The following TOLLIP variants were observed in gnomAD, a reference collection of about 807,000 sequenced individuals.
The protein encoded by TOLLIP is toll interacting protein.
TOLLIP carries 16 observed loss-of-function variants against 33.5 expected under a neutral mutation model. The ratio of observed to expected loss-of-function variants is 0.48; its 90% CI spans 0.32 to 0.72. The LOEUF (loss-of-function observed/expected upper bound fraction) is 0.72. Among genes scored for constraint, TOLLIP ranks in the 30% least tolerant of loss-of-function variants. TOLLIP has a pLI of 0.03. For missense variants in TOLLIP, 325 were observed against 396.6 expected, an observed-to-expected ratio of 0.82 and a Z score of 1.53; for synonymous variants, 176 against 163.7, an observed-to-expected ratio of 1.07 and a Z score of -0.57.
At chr11:1,300,347 A>C (rs1217621237) in intron 1 of TOLLIP, among the ~76,000 whole-genome samples, 1 of 152,218 alleles carries the variant, frequency 6.6e-6, no homozygotes, top group Non-Finnish European at 1.5e-5. Context: ...CTGACGCCAG[A>C]GCTCTAAACC....
chr11:1,299,720 G>A (rs371926120), intron 1 of TOLLIP, among the ~76,000 whole-genome samples: 12 of 152,310 alleles, frequency 7.9e-5, no homozygotes, highest in East Asian at 3.9e-4. Context: ...CTAAATGCCC[G>A]TGTGAAGGCC....
intron 2 of TOLLIP, chr11:1,295,324 C>T (rs1016389117): frequency 2.1e-5 from 5 of 241,050 alleles, no homozygotes; most frequent in Admixed American, 1.1e-4. Flanking sequence ...GGGTGCCGGC[C>T]GCGCCTCCTC....
At position 1,309,451 on chromosome 11, in the gene TOLLIP, G is replaced by T; in HGVS notation, c.33+15C>A. On this transcript the variant is annotated intron_variant, in intron 1 of 5. Transcript: ENST00000317204. ...AGGTCACCGCCCCCGCCCGACCCTC[G>T]CCCGGCTGCCTCACCGGCCCGCGCT... 1.5e-6 allele frequency: 2 copies of T among 1,305,896 alleles called. No individual in the cohort carries two copies. Among genetic ancestry groups the T allele is most frequent in the Non-Finnish European group, 2.0e-6 (2 of 1,020,246 alleles). The allele number at this position is 1,305,896 out of a possible 1,614,324, so 80.9% of individuals were successfully genotyped here. A position where few individuals can be genotyped will look rare whatever the true frequency, so the allele number is the denominator to read the frequency against.
intron 4 of TOLLIP, among the ~76,000 whole-genome samples, chr11:1,287,871 G>C (rs71454082): frequency 0.41 from 11,275 of 27,246 alleles, 4,328 homozygotes; most frequent in Middle Eastern, 0.65. Flanking sequence ...CTCTGCTGCA[G>C]CCTCCCTGCT....
At chr11:1,308,350 G>A (rs895665328) in intron 1 of TOLLIP, among the ~76,000 whole-genome samples, 75 of 152,244 alleles carry the variant, frequency 4.9e-4, no homozygotes, top group Non-Finnish European at 1.5e-4. Flanking sequence ...GCCATGTGAC[G>A]TGTAAGCTCC....
intron 5 of TOLLIP, among the ~76,000 whole-genome samples, chr11:1,284,603 C>G (rs1388131889): frequency 6.6e-6 from 1 of 152,176 alleles, no homozygotes; most frequent in African/African-American, 2.4e-5. Flanking sequence ...CCCGCCTTGG[C>G]CTCCCAAGGT....
At position 1,290,306 on chromosome 11, in the gene TOLLIP, T is replaced by G. The variant is rs1454896135; in HGVS notation, c.287A>C (p.Lys96Thr). ...GATGACCTTATTCCAGCGGGGATTC[T>G]TGGCGCCATTGTGTGCCGTGGGCGT... ...YETPTAHNGA[K>T]NPRWNKVIHC... The change falls in exon 3 of 6, where the codon AAG (lysine) becomes ACG (threonine). Residue 96 changes from lysine to threonine, a missense_variant. Coordinates refer to ENST00000317204, the MANE Select transcript of TOLLIP (RefSeq NM_019009.4). This position sits in a 1 kb window ranked among gnomAD's most constrained non-coding sequence, Gnocchi z 4.9. The G allele has an allele frequency of 6.2e-7, 1 of 1,613,558 alleles. No homozygotes were observed. Among genetic ancestry groups the G allele is most frequent in the African/African-American group, 1.3e-5 (1 of 74,948 alleles).
rs935755361 is a variant in TOLLIP, at chr11:1,299,259, G to A, written c.34-3465C>T. On this transcript the variant is annotated intron_variant, in intron 1 of 5. Transcript: ENST00000317204. ...GAGAGGAGACGGAGACCAGGCTTCA[G>A]TCCTCCCCGTACAAATACTGGTTAC... is the stretch of plus-strand genomic sequence containing the variant. Among the ~76,000 whole-genome samples, 52 of 152,236 alleles carry A rather than the reference G, an allele frequency of 3.4e-4. 1 individual carries two copies. The highest frequency in any genetic ancestry group is 3.1e-3 in the Admixed American group (48 of 15,290).
Position 1,303,951 on chromosome 11 carries a change from G to A in TOLLIP, c.33+5515C>T, listed in dbSNP as rs1464929654. Among the ~76,000 whole-genome samples, 3 of 151,388 alleles carry A rather than the reference G, an allele frequency of 2.0e-5. No individual in the cohort carries two copies. Among genetic ancestry groups the A allele is most frequent in the Non-Finnish European group, 4.4e-5 (3 of 67,934 alleles). On this transcript the variant is annotated intron_variant, in intron 1 of 5. Transcript: ENST00000317204. This position sits in a 1 kb window ranked among gnomAD's most constrained non-coding sequence, Gnocchi z 4.2. The stretch of plus-strand genomic sequence containing the variant: ...CTCGGGAGTCTGAGGCAGGAAAATC[G>A]CTTGAACCTGGGAGGAAGAGGTTGC...
At chr11:1,284,587 G>T (rs968754908) in intron 5 of TOLLIP, among the ~76,000 whole-genome samples, 3 of 152,136 alleles carry the variant, frequency 2.0e-5, no homozygotes, top group Admixed American at 2.0e-4. Context: ...CTGACCTCAC[G>T]ATCTGCCCGC....
chr11:1,276,902 C>CGGGGCGGCACAGAAGTCCACGGGAG lies in TOLLIP; in HGVS notation c.*112_*136dup. On this transcript the variant is annotated 3_prime_UTR_variant, in exon 6 of 6. Coordinates refer to ENST00000317204, the MANE Select transcript of TOLLIP (RefSeq NM_019009.4). The stretch of plus-strand genomic sequence containing the variant: ...ACATGCACCCAAGAACAGGTGTGGA[C>CGGGGCGGCACAGAAGTCCACGGGAG]GGGGCGGCACAGAAGTCCACGGGAG... 1 of 1,557,350 alleles carries CGGGGCGGCACAGAAGTCCACGGGAG rather than the reference C, an allele frequency of 6.4e-7. No homozygotes were observed.
chr11:1,298,595 C>T (rs965434569), intron 1 of TOLLIP: 1 of 152,242 alleles, frequency 6.6e-6, no homozygotes. Context: ...ATCCAAAGGC[C>T]TAATGATCAA....
chr11:1,289,084 C>A (rs1223629983), intron 3 of TOLLIP, among the ~76,000 whole-genome samples: 1 of 152,218 alleles, frequency 6.6e-6, no homozygotes, highest in Non-Finnish European at 1.5e-5. Context: ...TTCAGGGACA[C>A]TGGCTGCTCC....
intron 4 of TOLLIP, among the ~76,000 whole-genome samples, chr11:1,287,315 C>T (rs763646997): frequency 6.6e-6 from 1 of 152,152 alleles, no homozygotes; most frequent in African/African-American, 2.4e-5. Context: ...ACGGCCGGGA[C>T]ATGATTTAAA....
intron 5 of TOLLIP, among the ~76,000 whole-genome samples, chr11:1,279,619 C>A (rs1167703209): frequency 6.6e-6 from 1 of 152,250 alleles, no homozygotes; most frequent in South Asian, 2.1e-4. Context: ...TCAGCCCCAC[C>A]AGCCACCTGC....
chr11:1,301,504 C>T (rs915032815), intron 1 of TOLLIP, among the ~76,000 whole-genome samples: 7 of 151,714 alleles, frequency 4.6e-5, no homozygotes, highest in Admixed American at 4.6e-4. Context: ...AACCCAGGGA[C>T]AATGAAATAC....
chr11:1,290,420 G>C lies in TOLLIP; in HGVS notation c.184-11C>G. The C allele has an allele frequency of 1.2e-6, 2 of 1,608,580 alleles. No individual in the cohort carries two copies. Among genetic ancestry groups the C allele is most frequent in the African/African-American group, 1.3e-5 (1 of 74,998 alleles). On this transcript the variant is annotated splice_polypyrimidine_tract_variant and intron_variant, in intron 2 of 5. Coordinates refer to ENST00000317204, the MANE Select transcript of TOLLIP (RefSeq NM_019009.4). The surrounding 1 kb of genome is among the most constrained non-coding windows in gnomAD (Gnocchi z 4.9). Reference sequence around the variant, plus strand: ...CTTGGCCAACTTTGCCTGGAATGAAGCCAATGTCAGGAAAAGGAGGTGCCA... The same window carrying C: ...CTTGGCCAACTTTGCCTGGAATGAACCCAATGTCAGGAAAAGGAGGTGCCA...
At position 1,274,647 on chromosome 11, in the gene TOLLIP, C is replaced by G. The variant is rs2133868257; in HGVS notation, c.*2392G>C. ...CCCCGCCTGAGGCTCCAAGATGGCA[C>G]AGTCAGGCTGTCCTTAGTGACCGCT... is the stretch of plus-strand genomic sequence containing the variant. On this transcript the variant is annotated 3_prime_UTR_variant, in exon 6 of 6. Coordinates refer to ENST00000317204, the MANE Select transcript of TOLLIP (RefSeq NM_019009.4). The G allele has an allele frequency of 6.6e-6, 1 of 152,362 alleles. No individual in the cohort carries two copies. The highest frequency in any genetic ancestry group is 2.1e-4 in the South Asian group (1 of 4,828). 9.4% of individuals were successfully genotyped at this position (152,362 alleles called of 1,614,324 possible).
rs925533678 is a variant in TOLLIP, at chr11:1,284,617, G to A, written c.610+1385C>T. ...GCCCGCCTTGGCCTCCCAAGGTGCC[G>A]GGATTAGAGGCATGAGCCCCCACAC... On this transcript the variant is annotated intron_variant, in intron 5 of 5. Coordinates refer to ENST00000317204, the MANE Select transcript of TOLLIP (RefSeq NM_019009.4). Among the ~76,000 whole-genome samples, 5 of 152,138 alleles carry A rather than the reference G, an allele frequency of 3.3e-5. No individual in the cohort carries two copies. The East Asian group carries it at 9.6e-4, about 29-fold the overall frequency.
Sources: gnomAD v4.1 joint callset for allele counts (sites outside exome capture counted in the v4.1 genomes callset) on GRCh38, gnomAD v4.1.1 for gene constraint, Gnocchi (gnomAD v3.1) non-coding constraint, MANE v1.5 for transcripts, NCBI Gene and HGNC (gene_info 2026-07-23, HGNC 2026-07-21) for gene names.